Variants in DSP observed in about 807,000 individuals in gnomAD.
DSP encodes 250/210 kDa paraneoplastic pemphigus antigen.
DSP carries 114 observed loss-of-function variants against 290.6 expected under a neutral mutation model. The observed-to-expected ratio is 0.39, with a 90% CI of 0.34 to 0.46. DSP has a LOEUF of 0.46. DSP is among the 20% of genes least tolerant of loss of function. The probability of loss-of-function intolerance (pLI) is 0.99; values close to 1 mark genes in which losing one functional copy is unlikely to be tolerated. For synonymous variants in DSP, 1,311 were observed against 1,316.4 expected, an observed-to-expected ratio of 1.00 and a Z score of 0.09; for missense variants, 3,230 against 3,495.8, an observed-to-expected ratio of 0.92 and a Z score of 1.92.
intron 4 of DSP, among the ~76,000 whole-genome samples, chr6:7,560,657 A>T (rs1373933990): frequency 6.6e-6 from 1 of 152,164 alleles, no homozygotes; most frequent in East Asian, 1.9e-4. Context: ...GCTTAGTTAG[A>T]GGGGAGGGTG....
intron 2 of DSP, 104 bp downstream of exon 2, chr6:7,555,924 C>T (rs1233792804): frequency 3.1e-6 from 3 of 975,634 alleles, no homozygotes; most frequent in South Asian, 2.7e-5. Flanking sequence ...ACCTCTTTCA[C>T]GTAGTGTTTA....
At chr6:7,554,322 A>G (rs1482808323) in intron 1 of DSP, among the ~76,000 whole-genome samples, 1 of 152,192 alleles carries the variant, frequency 6.6e-6, no homozygotes, top group African/African-American at 2.4e-5. Flanking sequence ...GTAAATTTAA[A>G]AGCCAGACTT....
chr6:7,558,081 T>G (rs370016117), intron 2 of DSP, 35 bp from the exon 3 acceptor site: 93 of 1,613,686 alleles, frequency 5.8e-5, no homozygotes, highest in Non-Finnish European at 7.6e-5. Context: ...TTCCTGGTAG[T>G]ATGTGTTTTC....
At chr6:7,561,692 C>T (rs981551135) in intron 4 of DSP, among the ~76,000 whole-genome samples, 2 of 152,158 alleles carry the variant, frequency 1.3e-5, no homozygotes, top group African/African-American at 4.8e-5. Flanking sequence ...GTCAAAGTCC[C>T]GGGTAACCTT....
chr6:7,542,999 C>T (rs1337220052), intron 1 of DSP, among the ~76,000 whole-genome samples: 2 of 152,114 alleles, frequency 1.3e-5, no homozygotes, highest in South Asian at 2.1e-4. Context: ...CCCGGGAAGA[C>T]CCCCCGGTGA....
Position 7,583,695 on chromosome 6 carries a change from A to G in DSP, c.6433A>G (p.Lys2145Glu). The change falls in exon 24 of 24, where the codon AAA becomes GAA. Residue 2145 changes from lysine (K) to glutamate (E), a missense_variant. Coordinates refer to ENST00000379802, the MANE Select transcript of DSP (RefSeq NM_004415.4). This position sits in a 1 kb window ranked among gnomAD's most constrained non-coding sequence, Gnocchi z 4.0. The part of the protein sequence containing the change: ...VDPVNSVFLP[K>E]DVALARGLID... ...CCCTGTGAACAGTGTCTTTTTGCCA[A>G]AAGATGTCGCCTTGGCCCGGGGGCT... 1 of 1,614,052 alleles carries G rather than the reference A, an allele frequency of 6.2e-7. No homozygotes were observed. Among genetic ancestry groups the G allele is most frequent in the Non-Finnish European group, 8.5e-7 (1 of 1,180,002 alleles).
chr6:7,570,407 T>C (rs1232130340), intron 12 of DSP, 30 bp from the exon 13 acceptor site: 1 of 1,614,138 alleles, frequency 6.2e-7, no homozygotes, highest in South Asian at 1.1e-5. Context: ...AAAGCCTGGC[T>C]CTAGCATGTT....
At chr6:7,562,503 G>A (rs898922775) in intron 4 of DSP, 149 bp from the exon 5 acceptor site, 1 of 1,396,244 alleles carries the variant, frequency 7.2e-7, no homozygotes, top group African/African-American at 1.4e-5. Context: ...TTAGCCATTT[G>A]GGAACCTTTA....
Position 7,565,409 on chromosome 6 carries a change from T to G in DSP, c.828T>G (p.Ile276Met). 1 of 1,614,088 alleles carries G rather than the reference T, an allele frequency of 6.2e-7. No individual in the cohort carries two copies. Among genetic ancestry groups the G allele is most frequent in the Non-Finnish European group, 8.5e-7 (1 of 1,180,010 alleles). ...ACCTGCGACAGCTGCAGAACATCAT[T>G]CAGGCCACGTCCAGGGAGATCATGT... is the stretch of plus-strand genomic sequence containing the variant. ...MDHLRQLQNI[I>M]QATSREIMWI... Residue 276 changes from isoleucine to methionine, a missense_variant, in exon 7 of 24, where the codon ATT becomes ATG. Physicochemically the swap from Ile to Met is conservative, Grantham distance 10. Transcript: ENST00000379802. The surrounding 1 kb of genome is among the most constrained non-coding windows in gnomAD (Gnocchi z 4.2).
rs112987069 is a variant in DSP at position 7,568,319 on chromosome 6, A to G, written c.1267-118A>G. ...GCCGACGAATTTGTGATTTTTTACA[A>G]TTGATGCAACTGCAGTGATACTCAG... On this transcript the variant is annotated intron_variant, in intron 10 of 23. Transcript: ENST00000379802. 2.4e-3 allele frequency: 2,755 copies of G among 1,161,094 alleles called. 53 individuals carry two copies. The African/African-American group carries it at 0.03, about 13-fold the overall frequency. 71.9% of individuals were successfully genotyped at this position (1,161,094 alleles called of 1,614,324 possible).
At chr6:7,569,144 A>T (rs374833119) in intron 11 of DSP, 42 bp from the exon 12 acceptor site, 3 of 1,613,358 alleles carry the variant, frequency 1.9e-6, no homozygotes, top group Non-Finnish European at 2.5e-6. Context: ...AAAAACACAT[A>T]CTTATGAATA....
chr6:7,584,387 G>A lies in DSP; in HGVS notation c.7125G>A (p.Gly2375=), dbSNP rs141709096. ...TATTAGAAGCACAGATCGCAACCGGGGGGATCATTGACCCAAAGGAGAGCC... is the reference window on the plus strand; with the variant it reads ...TATTAGAAGCACAGATCGCAACCGGAGGGATCATTGACCCAAAGGAGAGCC... ...IRLLEAQIAT[G]GIIDPKESHR... Residue 2375 remains glycine (G), a synonymous_variant, in exon 24 of 24, where the codon GGG becomes GGA. Transcript: ENST00000379802. This position sits in a 1 kb window ranked among gnomAD's most constrained non-coding sequence, Gnocchi z 6.4. The A allele has an allele frequency of 1.7e-4, 279 of 1,613,996 alleles. No individual in the cohort carries two copies. The highest frequency in any genetic ancestry group is 2.2e-4 in the Non-Finnish European group (258 of 1,179,984).
In DSP at chr6:7,565,512, G is replaced by A; in HGVS notation, c.931G>A (p.Ala311Thr). Residue 311 changes from alanine (A) to threonine (T), a missense_variant, in exon 7 of 24, where the codon GCC (alanine) becomes ACC (threonine). Ala to Thr is a moderately conservative substitution (Grantham distance 58). Coordinates refer to ENST00000379802, the MANE Select transcript of DSP (RefSeq NM_004415.4). The surrounding 1 kb of genome is among the most constrained non-coding windows in gnomAD (Gnocchi z 4.2). ...CACCAACATCGCTCAGAAACAGGAGGCCTTCTCCGTAAGTTCACCCCACGC... is the reference window on the plus strand; with the variant it reads ...CACCAACATCGCTCAGAAACAGGAGACCTTCTCCGTAAGTTCACCCCACGC... Reference protein sequence around the residue: ...KNTNIAQKQEAFSIRMSQLEV... With the variant: ...KNTNIAQKQETFSIRMSQLEV... 6.2e-7 allele frequency: 1 copy of A among 1,613,880 alleles called. No individual in the cohort carries two copies. Among genetic ancestry groups the A allele is most frequent in the Non-Finnish European group, 8.5e-7 (1 of 1,179,878 alleles).
intron 1 of DSP, among the ~76,000 whole-genome samples, chr6:7,554,125 A>ACACACACACACACCCC (rs772041102): frequency 5.5e-5 from 8 of 144,398 alleles, no homozygotes; most frequent in African/African-American, 1.1e-4. Flanking sequence ...ACACACACAC[A>ACACACACACACACCCC]CCCAGTTGGT....
Position 7,584,815 on chromosome 6 carries a change from T to G in DSP, c.7553T>G (p.Val2518Gly). The G allele has an allele frequency of 6.2e-7, 1 of 1,614,078 alleles. No individual in the cohort carries two copies. The highest frequency in any genetic ancestry group is 8.5e-7 in the Non-Finnish European group (1 of 1,180,008). ...GGATCAGATGGCTCCACCAGGGTGG[T>G]CCTGGTAGATAGAAAGACAGGCAGT... Reference protein sequence around the residue: ...ITGSDGSTRVVLVDRKTGSQY... With the variant: ...ITGSDGSTRVGLVDRKTGSQY... The change falls in exon 24 of 24, where the codon GTC (valine) becomes GGC (glycine). Residue 2518 changes from valine to glycine, a missense_variant. Coordinates refer to ENST00000379802, the MANE Select transcript of DSP (RefSeq NM_004415.4). The surrounding 1 kb of genome is among the most constrained non-coding windows in gnomAD (Gnocchi z 6.4).
chr6:7,550,825 T>C (rs1255858383), intron 1 of DSP, among the ~76,000 whole-genome samples: 12 of 151,704 alleles, frequency 7.9e-5, no homozygotes, highest in Admixed American at 7.9e-4. Context: ...GCACATGACA[T>C]CTGCCATCTT....
chr6:7,582,179 T>TTA lies in DSP; in HGVS notation c.5380-454_5380-453dup, dbSNP rs953764423. On this transcript the variant is annotated intron_variant, in intron 23 of 23. Transcript: ENST00000379802. The surrounding 1 kb of genome is among the most constrained non-coding windows in gnomAD (Gnocchi z 4.2). ...GTGTGTGTGTGTGTATATCTATATA[T>TTA]TATATATATAATTATATAATTACAT... Among the ~76,000 whole-genome samples the TTA allele has an allele frequency of 1.4e-5, 2 of 146,878 alleles. No homozygotes were observed. Among genetic ancestry groups the TTA allele is most frequent in the African/African-American group, 4.9e-5 (2 of 40,472 alleles).
chr6:7,575,187 A>G (rs757226781), intron 17 of DSP, 108 bp from the exon 18 acceptor site: 8 of 1,038,174 alleles, frequency 7.7e-6, no homozygotes, highest in South Asian at 1.4e-5. Context: ...TAAATTATGA[A>G]TATTCTAAAG....
chr6:7,571,147 T>C (rs113631413), intron 13 of DSP, among the ~76,000 whole-genome samples: 1 of 147,562 alleles, frequency 6.8e-6, no homozygotes, highest in Admixed American at 6.8e-5. Context: ...TTCTGAATAA[T>C]ATTTCGTTGA....
Sources: gnomAD v4.1 joint callset for allele counts (sites outside exome capture counted in the v4.1 genomes callset) on GRCh38, gnomAD v4.1.1 for gene constraint, Gnocchi (gnomAD v3.1) non-coding constraint, MANE v1.5 for transcripts, NCBI Gene and HGNC (gene_info 2026-07-23, HGNC 2026-07-21) for gene names.